SOX5: variants seen among roughly 807,000 people sequenced by gnomAD.
The protein encoded by SOX5 is SRY-box transcription factor 5, also known as transcription factor SOX-5.
In SOX5, 9 loss-of-function variants were observed where a neutral mutation model predicts 92.0. The observed-to-expected ratio is 0.10, with a 90% confidence interval of 0.06 to 0.17. The LOEUF (loss-of-function observed/expected upper bound fraction) is 0.17, where lower values mean the gene tolerates loss of function less well. Among genes scored for constraint, SOX5 ranks in the 10% least tolerant of loss-of-function variants. SOX5 has a pLI of 1.00. For missense variants in SOX5, 642 were observed against 944.5 expected (o/e 0.68, Z 4.20); for synonymous variants, 344 against 336.3 (o/e 1.02, Z -0.25).
intron 1 of SOX5, among the ~76,000 whole-genome samples, chr12:24,561,619 T>C (rs1199733105): frequency 6.6e-6 from 1 of 151,464 alleles, no homozygotes; most frequent in Non-Finnish European, 1.5e-5. Flanking sequence ...CTTGGTACAC[T>C]GAGTGAGGTG....
intron 2 of SOX5, among the ~76,000 whole-genome samples, chr12:24,287,624 C>T (rs1946056760): frequency 8.5e-6 from 1 of 118,176 alleles, no homozygotes; most frequent in Admixed American, 8.6e-5. Context: ...TTTTGCAGTG[C>T]CCCAGGGTTC....
At position 24,507,385 on chromosome 12, in the gene SOX5, C is replaced by T. The variant is rs533273759; in HGVS notation, c.-251+54944G>A. Among the ~76,000 whole-genome samples the T allele has an allele frequency of 1.4e-3, 219 of 151,326 alleles. 2 individuals carry two copies. The highest frequency in any genetic ancestry group is 5.1e-3 in the African/African-American group (212 of 41,196). On this transcript the variant is annotated intron_variant, in intron 1 of 4. Transcript: ENST00000446891. Reference sequence around the variant, plus strand: ...AATTTATAGTTCTAGGATAGAGATACTAGATAGAGAAACAAGTTAAATGAC... The same window carrying T: ...AATTTATAGTTCTAGGATAGAGATATTAGATAGAGAAACAAGTTAAATGAC...
At chr12:24,181,144 T>C (rs1484013221) in intron 4 of SOX5, among the ~76,000 whole-genome samples, 1 of 152,232 alleles carries the variant, frequency 6.6e-6, no homozygotes, top group African/African-American at 2.4e-5. Context: ...AATGGTATAC[T>C]GGTCTCAACT....
intron 10 of SOX5, among the ~76,000 whole-genome samples, chr12:23,571,761 A>T (rs557674622): frequency 6.6e-6 from 1 of 152,318 alleles, no homozygotes; most frequent in East Asian, 1.9e-4. Flanking sequence ...CTACGCTCTG[A>T]CAAAAAATTA....
At chr12:23,974,242 C>A (rs1948670284) in intron 4 of SOX5, among the ~76,000 whole-genome samples, 1 of 152,152 alleles carries the variant, frequency 6.6e-6, no homozygotes, top group African/African-American at 2.4e-5. Context: ...ACTACAGTTA[C>A]TATGTTTTCT....
intron 10 of SOX5, among the ~76,000 whole-genome samples, chr12:23,573,703 A>G (rs1026001038): frequency 6.6e-6 from 1 of 152,196 alleles, no homozygotes; most frequent in African/African-American, 2.4e-5. Flanking sequence ...CTCTTATAAG[A>G]AACAGAATAA....
intron 2 of SOX5, among the ~76,000 whole-genome samples, chr12:24,335,127 T>G: frequency 6.6e-6 from 1 of 152,188 alleles, no homozygotes; most frequent in East Asian, 1.9e-4. Context: ...CCCATTCTAA[T>G]GCTACAAACC....
chr12:23,642,813 C>A (rs540993156), intron 7 of SOX5, among the ~76,000 whole-genome samples: 1 of 111,250 alleles, frequency 9.0e-6, no homozygotes, highest in African/African-American at 2.7e-5. Context: ...ATGGGCCGGG[C>A]GCGGTGGCTC....
At chr12:24,510,529 GAAGTA>G (rs566312824) in intron 1 of SOX5, among the ~76,000 whole-genome samples, 1 of 152,318 alleles carries the variant, frequency 6.6e-6, no homozygotes, top group South Asian at 2.1e-4. Flanking sequence ...AACCAGACAG[GAAGTA>G]AAGACCAGGT....
At chr12:23,814,780 G>A (rs1050778508) in intron 3 of SOX5, among the ~76,000 whole-genome samples, 16 of 152,048 alleles carry the variant, frequency 1.1e-4, no homozygotes, top group African/African-American at 3.6e-4. Context: ...AAATTTCCAC[G>A]CTGCATTTTA....
At chr12:23,687,876 C>CT (rs10632537) in intron 6 of SOX5, among the ~76,000 whole-genome samples, 77,977 of 149,134 alleles carry the variant, frequency 0.52, 20,669 homozygotes, top group East Asian at 0.72. Flanking sequence ...TGCCAGTTCA[C>CT]TTTTTTTTTT....
chr12:24,252,961 C>T (rs759860782), intron 3 of SOX5, among the ~76,000 whole-genome samples: 4 of 152,150 alleles, frequency 2.6e-5, no homozygotes, highest in Non-Finnish European at 5.9e-5. Flanking sequence ...CAAATGAGAG[C>T]ACACAATGGG....
chr12:23,793,746 C>T (rs1212908993), intron 3 of SOX5, among the ~76,000 whole-genome samples: 1 of 152,206 alleles, frequency 6.6e-6, no homozygotes, highest in Non-Finnish European at 1.5e-5. Flanking sequence ...TAAACCGGAT[C>T]TCTGTCTTCA....
chr12:24,059,562 C>T (rs1326463588), intron 4 of SOX5, among the ~76,000 whole-genome samples: 1 of 152,086 alleles, frequency 6.6e-6, no homozygotes, highest in Non-Finnish European at 1.5e-5. Flanking sequence ...CTGCAACAAG[C>T]CCAGGAAGGA....
At chr12:24,266,437 T>G (rs1488305097) in intron 3 of SOX5, among the ~76,000 whole-genome samples, 1 of 152,246 alleles carries the variant, frequency 6.6e-6, no homozygotes, top group African/African-American at 2.4e-5. Context: ...AGTAACACAA[T>G]TGACACAACT....
chr12:23,975,541 C>A (rs1325827189), intron 4 of SOX5, among the ~76,000 whole-genome samples: 2 of 152,072 alleles, frequency 1.3e-5, no homozygotes, highest in Non-Finnish European at 2.9e-5. Context: ...TCCAGAAGCT[C>A]TGGAACGCTC....
At chr12:23,583,754 A>T (rs1950355062) in intron 9 of SOX5, among the ~76,000 whole-genome samples, 1 of 152,134 alleles carries the variant, frequency 6.6e-6, no homozygotes, top group South Asian at 2.1e-4. Context: ...TGCTTTAGAG[A>T]AATTAAAGAG....
At chr12:24,147,682 A>G (rs908626979) in intron 4 of SOX5, among the ~76,000 whole-genome samples, 19 of 152,232 alleles carry the variant, frequency 1.2e-4, no homozygotes, top group Admixed American at 4.6e-4. Context: ...TGAATTTACA[A>G]TAAAGCTACT....
chr12:24,112,919 T>C (rs1321773328), intron 4 of SOX5, among the ~76,000 whole-genome samples: 3 of 151,882 alleles, frequency 2.0e-5, no homozygotes, highest in African/African-American at 7.3e-5. Context: ...TTTTTTTCAA[T>C]ATGTGGAAGT....
Sources: allele counts gnomAD v4.1 joint callset (sites outside exome capture counted in the v4.1 genomes callset), GRCh38; gene constraint gnomAD v4.1.1; transcripts MANE v1.5; gene names NCBI Gene and HGNC (gene_info 2026-07-23, HGNC 2026-07-21).